Variants in TMEM132C observed in about 807,000 individuals in gnomAD.
The protein encoded by TMEM132C is protein phosphatase 1, regulatory subunit 152.
TMEM132C carries 29 observed loss-of-function variants against 61.4 expected under a neutral mutation model. The ratio of observed to expected loss-of-function variants is 0.47; its 90% CI spans 0.35 to 0.64. The LOEUF (loss-of-function observed/expected upper bound fraction) is 0.64. Among genes scored for constraint, TMEM132C ranks in the 30% least tolerant of loss-of-function variants. The pLI is 0.00. For missense variants in TMEM132C, 1,408 were observed against 1,476.9 expected, an observed-to-expected ratio of 0.95 and a Z score of 0.76; for synonymous variants, 656 against 633.1, an observed-to-expected ratio of 1.04 and a Z score of -0.54.
chr12:128,335,258 A>G (rs1872763887), intron 1 of TMEM132C, among the ~76,000 whole-genome samples: 1 of 152,174 alleles, frequency 6.6e-6, no homozygotes, highest in Admixed American at 6.5e-5. Context: ...TTTTTGGGTA[A>G]TATCTGAATT....
intron 3 of TMEM132C, among the ~76,000 whole-genome samples, chr12:128,595,952 A>G (rs550578271): frequency 6.6e-6 from 1 of 152,348 alleles, no homozygotes; most frequent in East Asian, 1.9e-4. Flanking sequence ...CCATGCCGTT[A>G]AGTCAGGTGG....
At chr12:128,695,005 G>A (rs1353789251) in intron 6 of TMEM132C, among the ~76,000 whole-genome samples, 1 of 152,164 alleles carries the variant, frequency 6.6e-6, no homozygotes. Flanking sequence ...GCCTCATAGT[G>A]TTATGAGGTT....
At chr12:128,469,740 A>G (rs1467992384) in intron 2 of TMEM132C, among the ~76,000 whole-genome samples, 1 of 151,094 alleles carries the variant, frequency 6.6e-6, no homozygotes, top group African/African-American at 2.4e-5. Context: ...ATATGCATTT[A>G]TGTGTGTGTA....
At position 128,326,779 on chromosome 12, in the gene TMEM132C, G is replaced by A. The variant is rs113732626; in HGVS notation, c.85+59292G>A. On this transcript the variant is annotated intron_variant, in intron 1 of 8. Transcript: ENST00000435159. The surrounding 1 kb of genome is among the most constrained non-coding windows in gnomAD (Gnocchi z 5.6). ...GATGTCTTTATGGCTCCCACATCTC[G>A]TTACCGACTTCACAATATTTTTTTT... Among the ~76,000 whole-genome samples, 4,953 of 140,158 alleles carry A rather than the reference G, an allele frequency of 0.035. 683 individuals are homozygous for A. Among genetic ancestry groups the A allele is most frequent in the African/African-American group, 0.14 (4,214 of 30,222 alleles). The allele number at this position is 140,158 out of a possible 152,430, so 91.9% of individuals were successfully genotyped here.
intron 2 of TMEM132C, among the ~76,000 whole-genome samples, chr12:128,421,538 G>A (rs937001755): frequency 3.4e-4 from 52 of 152,106 alleles, no homozygotes; most frequent in African/African-American, 1.2e-3. Context: ...AATGTTTATG[G>A]GACTAATAAC....
At chr12:128,381,892 G>C (rs1165097375) in intron 1 of TMEM132C, among the ~76,000 whole-genome samples, 1 of 152,162 alleles carries the variant, frequency 6.6e-6, no homozygotes, top group African/African-American at 2.4e-5. Flanking sequence ...AGAGGAAAAG[G>C]GGAGTTTGCT....
chr12:128,701,049 C>T (rs558452046), intron 8 of TMEM132C, among the ~76,000 whole-genome samples: 15 of 152,252 alleles, frequency 9.9e-5, no homozygotes, highest in East Asian at 7.7e-4. Context: ...GTCTGCTGGG[C>T]GACTGTATGC....
chr12:128,550,460 A>C (rs1359533400), intron 3 of TMEM132C, among the ~76,000 whole-genome samples: 2 of 152,076 alleles, frequency 1.3e-5, no homozygotes. Flanking sequence ...ATGCACCACC[A>C]AGCCCAGCTA....
intron 2 of TMEM132C, among the ~76,000 whole-genome samples, chr12:128,502,695 T>G (rs1872224162): frequency 6.6e-6 from 1 of 152,154 alleles, no homozygotes; most frequent in Non-Finnish European, 1.5e-5. Context: ...CCTCTTGGTT[T>G]GTCTTGACCT....
rs531111104 is a variant in TMEM132C, at chr12:128,340,191, G to A, written c.85+72704G>A. 4.6e-5 allele frequency among the ~76,000 whole-genome samples: 7 copies of A among 152,268 alleles called. No individual in the cohort carries two copies. In the South Asian group the frequency reaches 1.5e-3, roughly 32 times the overall value. Reference sequence around the variant, plus strand: ...AAGGCCTTCAAAGCTTGGGAACATGGTAGTCTTAACAATTTGGAGACCTTG... The same window carrying A: ...AAGGCCTTCAAAGCTTGGGAACATGATAGTCTTAACAATTTGGAGACCTTG... On this transcript the variant is annotated intron_variant, in intron 1 of 8. Coordinates refer to ENST00000435159, the MANE Select transcript of TMEM132C (RefSeq NM_001136103.3).
intron 2 of TMEM132C, among the ~76,000 whole-genome samples, chr12:128,416,226 C>G (rs1021460318): frequency 6.6e-6 from 1 of 152,122 alleles, no homozygotes; most frequent in African/African-American, 2.4e-5. Context: ...GCAGCATAAT[C>G]CACCTACTGT....
chr12:128,512,305 T>C (rs1201910103), intron 2 of TMEM132C, among the ~76,000 whole-genome samples: 2 of 152,188 alleles, frequency 1.3e-5, no homozygotes, highest in Non-Finnish European at 2.9e-5. Flanking sequence ...TTTATACAAA[T>C]ATAAGCAAGT....
intron 1 of TMEM132C, among the ~76,000 whole-genome samples, chr12:128,306,568 A>G (rs1280315997): frequency 6.6e-6 from 1 of 152,210 alleles, no homozygotes; most frequent in Non-Finnish European, 1.5e-5. Flanking sequence ...TGTTATTTTT[A>G]GAAAGCTAAA....
intron 2 of TMEM132C, among the ~76,000 whole-genome samples, chr12:128,449,536 T>G (rs1303018149): frequency 1.3e-5 from 2 of 152,210 alleles, no homozygotes; most frequent in Non-Finnish European, 2.9e-5. Context: ...ACTTCTCCAT[T>G]TGGACTGAAG....
intron 2 of TMEM132C, among the ~76,000 whole-genome samples, chr12:128,434,374 C>G (rs1436897241): frequency 6.6e-6 from 1 of 152,138 alleles, no homozygotes. Flanking sequence ...GACCTCAGCT[C>G]CCTGCAACCT....
chr12:128,398,713 A>G (rs1272505265), intron 1 of TMEM132C, among the ~76,000 whole-genome samples: 1 of 152,180 alleles, frequency 6.6e-6, no homozygotes, highest in Admixed American at 6.5e-5. Flanking sequence ...AATTAGGGAT[A>G]ATAAAGATAC....
chr12:128,590,307 G>T (rs1401031015), intron 3 of TMEM132C, among the ~76,000 whole-genome samples: 1 of 152,234 alleles, frequency 6.6e-6, no homozygotes, highest in African/African-American at 2.4e-5. Flanking sequence ...ACAGCAGACG[G>T]CAGAGCTTAA....
chr12:128,617,140 G>C (rs1876828672), intron 4 of TMEM132C, among the ~76,000 whole-genome samples: 1 of 152,172 alleles, frequency 6.6e-6, no homozygotes, highest in Non-Finnish European at 1.5e-5. Context: ...TAGGAGGTCT[G>C]GGTTGGGTAC....
intron 2 of TMEM132C, among the ~76,000 whole-genome samples, chr12:128,537,597 G>C (rs1338023711): frequency 6.6e-6 from 1 of 152,214 alleles, no homozygotes; most frequent in Admixed American, 6.5e-5. Flanking sequence ...TTCTCAAAGT[G>C]TGAGAACTGT....
Sources: gnomAD v4.1 joint callset for allele counts (sites outside exome capture counted in the v4.1 genomes callset) on GRCh38, gnomAD v4.1.1 for gene constraint, Gnocchi (gnomAD v3.1) non-coding constraint, MANE v1.5 for transcripts, NCBI Gene and HGNC (gene_info 2026-07-23, HGNC 2026-07-21) for gene names.